The following MFRP variants were observed in gnomAD, a reference collection of about 807,000 sequenced individuals.
The protein encoded by MFRP is C1q and TNF related 5.
MFRP carries 74 observed loss-of-function variants against 65.8 expected under a neutral mutation model. The ratio of observed to expected loss-of-function variants is 1.12; its 90% CI spans 0.93 to 1.36. The LOEUF is 1.36. MFRP is among the 40% of genes most tolerant of loss of function. The pLI, the probability that MFRP is intolerant of heterozygous loss-of-function variation, is 0.00. For missense variants in MFRP, 838 were observed against 736.0 expected (o/e 1.14, Z -1.60); for synonymous variants, 336 against 288.3 (o/e 1.17, Z -1.68).
Position 119,339,234 on chromosome 11 carries a change from C to T in MFRP, c.*1725G>A. 7 of 1,400,402 alleles carry T rather than the reference C, an allele frequency of 5.0e-6. No homozygotes were observed. The South Asian group carries it at 9.3e-5, about 19-fold the overall frequency. The allele number at this position is 1,400,402 out of a possible 1,614,324, so 86.7% of individuals were successfully genotyped here. A position where few individuals can be genotyped will look rare whatever the true frequency, so the allele number is the denominator to read the frequency against. ...TCTACCCCACCTCCCTAGTCATTCA[C>T]AATATTCCAGGGGGGCCAGCCCTCC... is the stretch of plus-strand genomic sequence containing the variant. On this transcript the variant is annotated 3_prime_UTR_variant, in exon 15 of 15. Coordinates refer to ENST00000619721, the MANE Select transcript of MFRP (RefSeq NM_031433.4). The surrounding 1 kb of genome is among the most constrained non-coding windows in gnomAD (Gnocchi z 5.4).
In MFRP at chr11:119,339,752, G is replaced by C; in HGVS notation, c.*1207C>G. 6.3e-7 allele frequency: 1 copy of C among 1,592,464 alleles called. No homozygotes were observed. On this transcript the variant is annotated 3_prime_UTR_variant, in exon 15 of 15. Transcript: ENST00000619721. The surrounding 1 kb of genome is among the most constrained non-coding windows in gnomAD (Gnocchi z 5.4). ...CTCGGAGCGCTTGGCGCTGAAGGCGGATCGCGGAGGCACCGAGCACTCCCC... is the reference window on the plus strand; with the variant it reads ...CTCGGAGCGCTTGGCGCTGAAGGCGCATCGCGGAGGCACCGAGCACTCCCC...
intron 9 of MFRP, 109 bp from the exon 10 acceptor site, chr11:119,343,112 G>T: frequency 7.4e-7 from 1 of 1,356,738 alleles, no homozygotes; most frequent in Non-Finnish European, 1.0e-6. Context: ...GATGCCAAAG[G>T]TGATGGAAGA....
In MFRP at chr11:119,343,857, C is replaced by T. The variant is rs765386332; in HGVS notation, c.1083G>A (p.Val361=). 4 of 1,613,862 alleles carry T rather than the reference C, an allele frequency of 2.5e-6. No homozygotes were observed. In the South Asian group the frequency reaches 3.3e-5, roughly 13 times the overall value. ...QDECKFDYVE[V]YETSSSGAFS... is the part of the protein sequence containing the mutation. ...AGGCCCCTGAGCTGCTGGTCTCATA[C>T]ACCTCCACGTAGTCAAACTTGCACT... Residue 361 remains valine, a synonymous_variant, in exon 9 of 15, where the codon GTG becomes GTA. Transcript: ENST00000619721.
Position 119,339,172 on chromosome 11 carries a change from T to C in MFRP, c.*1787A>G, listed in dbSNP as rs540189370. The C allele has an allele frequency of 6.3e-6, 5 of 792,676 alleles. No homozygotes were observed. The South Asian group carries it at 7.3e-5, about 12-fold the overall frequency. 49.1% of individuals were successfully genotyped at this position (792,676 alleles called of 1,614,324 possible). A position where few individuals can be genotyped will look rare whatever the true frequency, so the allele number is the denominator to read the frequency against. The stretch of plus-strand genomic sequence containing the variant: ...GCCAGACCTGATCGCAGACAGCCAC[T>C]GTTCCCATTCCTTGCCAGCAGCAGG... On this transcript the variant is annotated 3_prime_UTR_variant, in exon 15 of 15. Coordinates refer to ENST00000619721, the MANE Select transcript of MFRP (RefSeq NM_031433.4). The surrounding 1 kb of genome is among the most constrained non-coding windows in gnomAD (Gnocchi z 5.4).
Position 119,342,744 on chromosome 11 carries a change from C to T in MFRP, c.1256-17G>A, listed in dbSNP as rs749155264. 2 of 1,613,522 alleles carry T rather than the reference C, an allele frequency of 1.2e-6. No individual in the cohort carries two copies. The highest frequency in any genetic ancestry group is 1.7e-6 in the Non-Finnish European group (2 of 1,179,958). On this transcript the variant is annotated splice_polypyrimidine_tract_variant and intron_variant, in intron 10 of 14. Transcript: ENST00000619721. Reference sequence around the variant, plus strand: ...CACAGGGGTCTGCAGGCACAAGGGGCATGGCAGTGCCCGGGGACATACCTA... The same window carrying T: ...CACAGGGGTCTGCAGGCACAAGGGGTATGGCAGTGCCCGGGGACATACCTA...
Position 119,340,243 on chromosome 11 carries a change from C to T in MFRP, c.*1051G>A. 6.6e-7 allele frequency: 1 copy of T among 1,514,784 alleles called. No homozygotes were observed. Among genetic ancestry groups the T allele is most frequent in the Non-Finnish European group, 8.8e-7 (1 of 1,134,484 alleles). The allele number at this position is 1,514,784 out of a possible 1,614,324, so 93.8% of individuals were successfully genotyped here. On this transcript the variant is annotated 3_prime_UTR_variant, in exon 14 of 15. Coordinates refer to ENST00000619721, the MANE Select transcript of MFRP (RefSeq NM_031433.4). The stretch of plus-strand genomic sequence containing the variant: ...CCCGGGCGCGCCGTCGCGGCCGTCG[C>T]GGCCATCGCGGCCCGGCAAGCCCTG...
At chr11:119,340,110 G>T (rs1950485948) in intron 14 of MFRP, 74 bp downstream of exon 14, 2 of 1,450,812 alleles carry the variant, frequency 1.4e-6, no homozygotes, top group Admixed American at 2.6e-5. Flanking sequence ...CCCGAGTCCC[G>T]GACACCGGGA....
At chr11:119,345,058 A>G in intron 5 of MFRP, 54 bp from the exon 6 acceptor site, 2 of 1,577,750 alleles carry the variant, frequency 1.3e-6, no homozygotes, top group Admixed American at 1.9e-5. Context: ...GGTCAGCCAG[A>G]GAGGAGCTTG....
chr11:119,344,929 G>A lies in MFRP; in HGVS notation c.717C>T (p.Ser239=), dbSNP rs755801900. 1.4e-5 allele frequency: 23 copies of A among 1,611,422 alleles called. No individual in the cohort carries two copies. In the South Asian group the frequency reaches 2.4e-4, roughly 17 times the overall value. ...CATGGAAACCAAATCCTTCCACACT[G>A]CTGTCAGAGACGAAGACCACCAGGA... The part of the protein sequence containing the change: ...SHLLVVFVSD[S]SVEGFGFHAW... Residue 239 remains serine (S), a synonymous_variant, in exon 6 of 15, where the codon AGC becomes AGT. Transcript: ENST00000619721.
chr11:119,345,990 C>A, intron 3 of MFRP, 56 bp downstream of exon 3: 1 of 1,612,852 alleles, frequency 6.2e-7, no homozygotes, highest in Non-Finnish European at 8.5e-7. Context: ...GCTGGGAGAG[C>A]GGCTCATGGA....
chr11:119,341,815 C>T (rs1161914868), intron 12 of MFRP, 42 bp downstream of exon 12: 3 of 1,613,494 alleles, frequency 1.9e-6, no homozygotes, highest in Non-Finnish European at 2.5e-6. Context: ...TCCCAGGCTC[C>T]TCCCCTCCCA....
In MFRP at chr11:119,340,312, G is replaced by C; in HGVS notation, c.*982C>G. On this transcript the variant is annotated 3_prime_UTR_variant, in exon 14 of 15. Transcript: ENST00000619721. ...CGTGCCTGGAAGGCCGGGGTGCCCC[G>C]GGCAGAGGCTGGGGATCTTGTTGTC... The C allele has an allele frequency of 6.5e-7, 1 of 1,539,682 alleles. No homozygotes were observed. Among genetic ancestry groups the C allele is most frequent in the South Asian group, 1.2e-5 (1 of 82,930 alleles).
rs760655834 is a variant in MFRP, at chr11:119,345,436, C to T, written c.625G>A (p.Glu209Lys). The change falls in exon 5 of 15, where the codon GAA (glutamate) becomes AAA (lysine). Residue 209 changes from glutamate to lysine, a missense_variant. Coordinates refer to ENST00000619721, the MANE Select transcript of MFRP (RefSeq NM_031433.4). Reference sequence around the variant, plus strand: ...GGGACCTACCTGAGGAGGGGGCCTTCAGGCTCAGGGGAGAGTTCCAAGCGA... The same window carrying T: ...GGGACCTACCTGAGGAGGGGGCCTTTAGGCTCAGGGGAGAGTTCCAAGCGA... ...FDRLELSPEP[E>K]GPLLRVCGRV... The T allele has an allele frequency of 6.2e-7, 1 of 1,613,974 alleles. No homozygotes were observed.
At chr11:119,343,695 C>T (rs751283814) in intron 9 of MFRP, 121 bp downstream of exon 9, 20 of 1,286,486 alleles carry the variant, frequency 1.6e-5, no homozygotes, top group Non-Finnish European at 1.9e-5. Context: ...GAAGAGACCC[C>T]CGGCCTGGAG....
At position 119,345,014 on chromosome 11, in the gene MFRP, G is replaced by A. The variant is rs1196512469; in HGVS notation, c.642-10C>T. ...CACCCTTCCACAAACCCTGCAAGAA[G>A]CCAGGTTGGGGGTGAGGGAGGCTCC... On this transcript the variant is annotated splice_polypyrimidine_tract_variant and intron_variant, in intron 5 of 14. Coordinates refer to ENST00000619721, the MANE Select transcript of MFRP (RefSeq NM_031433.4). 2.5e-6 allele frequency: 4 copies of A among 1,600,696 alleles called. No individual in the cohort carries two copies. The highest frequency in any genetic ancestry group is 2.2e-5 in the East Asian group (1 of 44,494).
intron 13 of MFRP, 94 bp from the exon 14 acceptor site, chr11:119,340,534 G>T: frequency 1.1e-6 from 1 of 924,930 alleles, no homozygotes; most frequent in Non-Finnish European, 1.6e-6. Context: ...CCACCCCACT[G>T]CCGTGCCCCT....
At position 119,339,287 on chromosome 11, in the gene MFRP, C is replaced by G; in HGVS notation, c.*1672G>C. 2 of 1,589,684 alleles carry G rather than the reference C, an allele frequency of 1.3e-6. No individual in the cohort carries two copies. The highest frequency in any genetic ancestry group is 1.7e-6 in the Non-Finnish European group (2 of 1,166,152). The stretch of plus-strand genomic sequence containing the variant: ...GATGACCTGGTTGTCAGCCTCACAC[C>G]CTCCTTCTAGGAGTGAGAGCATGAG... On this transcript the variant is annotated 3_prime_UTR_variant, in exon 15 of 15. Transcript: ENST00000619721. The surrounding 1 kb of genome is among the most constrained non-coding windows in gnomAD (Gnocchi z 5.4).
At position 119,339,841 on chromosome 11, in the gene MFRP, C is replaced by A; in HGVS notation, c.*1118G>T. On this transcript the variant is annotated 3_prime_UTR_variant, in exon 15 of 15. Transcript: ENST00000619721. This position sits in a 1 kb window ranked among gnomAD's most constrained non-coding sequence, Gnocchi z 5.4. ...GCGGCCCGGGGTCCCCTCGAGGTCCCGGCAGTCCTGCGGGGTAAGCGGGGC... is the reference window on the plus strand; with the variant it reads ...GCGGCCCGGGGTCCCCTCGAGGTCCAGGCAGTCCTGCGGGGTAAGCGGGGC... The A allele has an allele frequency of 6.7e-7, 1 of 1,492,594 alleles. No homozygotes were observed. The highest frequency in any genetic ancestry group is 8.9e-7 in the Non-Finnish European group (1 of 1,128,690). The allele number at this position is 1,492,594 out of a possible 1,614,324, so 92.5% of individuals were successfully genotyped here.
chr11:119,341,481 C>G lies in MFRP; in HGVS notation c.*67G>C. 1 of 1,344,960 alleles carries G rather than the reference C, an allele frequency of 7.4e-7. No homozygotes were observed. Among genetic ancestry groups the G allele is most frequent in the African/African-American group, 1.4e-5 (1 of 69,610 alleles). 83.3% of individuals were successfully genotyped at this position (1,344,960 alleles called of 1,614,324 possible). A position where few individuals can be genotyped will look rare whatever the true frequency, so the allele number is the denominator to read the frequency against. Reference sequence around the variant, plus strand: ...CCCTGCTGATGCTCCTTCCTTTGTTCCCCTGCGTGCCAGCCCTGACCGGCA... The same window carrying G: ...CCCTGCTGATGCTCCTTCCTTTGTTGCCCTGCGTGCCAGCCCTGACCGGCA... On this transcript the variant is annotated 3_prime_UTR_variant, in exon 13 of 15. Coordinates refer to ENST00000619721, the MANE Select transcript of MFRP (RefSeq NM_031433.4).
Sources: allele counts gnomAD v4.1 joint callset, GRCh38; gene constraint gnomAD v4.1.1; non-coding constraint Gnocchi (gnomAD v3.1); transcripts MANE v1.5; gene names NCBI Gene and HGNC (gene_info 2026-07-23, HGNC 2026-07-21).